The following BSN variants were observed in gnomAD, a reference collection of about 807,000 sequenced individuals.
BSN encodes the protein bassoon presynaptic cytomatrix protein, also known as protein bassoon.
A neutral mutation model predicts 264.8 loss-of-function variants in BSN; 57 were observed. The observed-to-expected ratio is 0.22, with a 90% CI of 0.17 to 0.27. The LOEUF is 0.27. Ranked by LOEUF, BSN falls within the 10% of genes least tolerant of loss-of-function variation. The pLI, the probability that BSN is intolerant of heterozygous loss-of-function variation, is 1.00. For missense variants in BSN, 4,615 were observed against 5,232.5 expected (o/e 0.88, Z 3.64); for synonymous variants, 2,059 against 2,137.3 (o/e 0.96, Z 1.01).
At position 49,657,903 on chromosome 3, in the gene BSN, G is replaced by T; in HGVS notation, c.8347G>T (p.Val2783Leu). The change falls in exon 5 of 12, where the codon GTG becomes TTG. Residue 2783 changes from valine (V) to leucine (L), a missense_variant. Physicochemically the swap from Val to Leu is conservative, Grantham distance 32. Transcript: ENST00000296452. ...HLPPESLSQL[V>L]SRQPPKSPQV... ...GCCTCCGGAGTCTCTCTCACAGCTT[G>T]TGAGCCGCCAGCCTCCCAAGTCCCC... 1 of 1,613,752 alleles carries T rather than the reference G, an allele frequency of 6.2e-7. No homozygotes were observed. Among genetic ancestry groups the T allele is most frequent in the Non-Finnish European group, 8.5e-7 (1 of 1,179,912 alleles).
chr3:49,589,078 C>A (rs1026005450), intron 1 of BSN, among the ~76,000 whole-genome samples: 3 of 46,444 alleles, frequency 6.5e-5, no homozygotes, highest in Non-Finnish European at 1.3e-4. Context: ...CCACGCCTGG[C>A]TAAATTTTTT....
intron 1 of BSN, among the ~76,000 whole-genome samples, chr3:49,574,054 A>G (rs1248078340): frequency 6.6e-6 from 1 of 151,904 alleles, no homozygotes; most frequent in Non-Finnish European, 1.5e-5. Context: ...GGCTCAAGCA[A>G]TCCTCTCACC....
intron 1 of BSN, among the ~76,000 whole-genome samples, chr3:49,596,948 A>G (rs2108029120): frequency 6.6e-6 from 1 of 152,328 alleles, no homozygotes; most frequent in South Asian, 2.1e-4. Flanking sequence ...GGTGGTTTAC[A>G]ATAATGGATT....
chr3:49,661,762 G>C lies in BSN; in HGVS notation c.9917G>C (p.Arg3306Pro). 1 of 1,613,360 alleles carries C rather than the reference G, an allele frequency of 6.2e-7. No homozygotes were observed. Among genetic ancestry groups the C allele is most frequent in the Non-Finnish European group, 8.5e-7 (1 of 1,180,032 alleles). The change falls in exon 6 of 12, where the codon CGG becomes CCG. Residue 3306 changes from arginine (R) to proline (P), a missense_variant. This residue lies in a region of BSN where 3,415 missense variants were observed against 3,866.4 expected (regional missense o/e 0.88). Coordinates refer to ENST00000296452, the MANE Select transcript of BSN (RefSeq NM_003458.4). ...CCCCGCGGGAAGGGTGGCCACCTCC[G>C]GAGCATGGAGAGCAATGGTCGACCA... is the stretch of plus-strand genomic sequence containing the variant. Reference protein sequence around the residue: ...YDPRGKGGHLRSMESNGRPAS... With the variant: ...YDPRGKGGHLPSMESNGRPAS...
rs771078407 is a variant in BSN at position 49,642,930 on chromosome 3, T to C, written c.1296T>C (p.Thr432=). 10 of 1,613,960 alleles carry C rather than the reference T, an allele frequency of 6.2e-6. No individual in the cohort carries two copies. In the Admixed American group the frequency reaches 1.0e-4, roughly 16 times the overall value. ...CTGGACCTGGAGCCCTGCCGAAAACTGGGGGAACAACCAGTCCAAAGCATG... is the reference window on the plus strand; with the variant it reads ...CTGGACCTGGAGCCCTGCCGAAAACCGGGGGAACAACCAGTCCAAAGCATG... ...PGSGPGALPK[T]GGTTSPKHGR... Residue 432 remains threonine, a synonymous_variant, in exon 3 of 12, where the codon ACT becomes ACC. Transcript: ENST00000296452. The surrounding 1 kb of genome is among the most constrained non-coding windows in gnomAD (Gnocchi z 7.0).
At chr3:49,648,122 G>A (rs1223402343) in intron 3 of BSN, among the ~76,000 whole-genome samples, 1 of 152,254 alleles carries the variant, frequency 6.6e-6, no homozygotes, top group South Asian at 2.1e-4. Flanking sequence ...CTGGGCTCAG[G>A]CAAGCTGGCC....
In BSN at chr3:49,625,221, C is replaced by T. The variant is rs150855300; in HGVS notation, c.471C>T (p.Ser157=). Residue 157 remains serine, a synonymous_variant, in exon 2 of 12, where the codon TCC becomes TCT. Transcript: ENST00000296452. The surrounding 1 kb of genome is among the most constrained non-coding windows in gnomAD (Gnocchi z 4.4). ...GCAGCACCCCCACATCACCCTACTC[C>T]GTCCCTCAGATCGCCCCCCTTCCCA... ...DRGSTPTSPY[S]VPQIAPLPSS... The T allele has an allele frequency of 1.0e-3, 1,592 of 1,583,766 alleles. No individual in the cohort carries two copies. Among genetic ancestry groups the T allele is most frequent in the Admixed American group, 1.6e-3 (89 of 54,728 alleles).
Position 49,569,595 on chromosome 3 carries a change from G to A in BSN, c.224+14769G>A, listed in dbSNP as rs75014815. Among the ~76,000 whole-genome samples the A allele has an allele frequency of 7.6e-3, 1,159 of 152,276 alleles. 7 individuals are homozygous for A. The highest frequency in any genetic ancestry group is 0.013 in the Non-Finnish European group (881 of 68,016). On this transcript the variant is annotated intron_variant, in intron 1 of 11. Coordinates refer to ENST00000296452, the MANE Select transcript of BSN (RefSeq NM_003458.4). The stretch of plus-strand genomic sequence containing the variant: ...TGGGAGCTCTGACTCAGTGGGGGAC[G>A]CTTGGAGGGCTCAGGGGCCTACTGT...
At chr3:49,607,710 A>G (rs1361612409) in intron 1 of BSN, among the ~76,000 whole-genome samples, 1 of 152,208 alleles carries the variant, frequency 6.6e-6, no homozygotes, top group Non-Finnish European at 1.5e-5. Context: ...GCTGAATTTA[A>G]TGCTCTCAAT....
intron 1 of BSN, among the ~76,000 whole-genome samples, chr3:49,573,597 C>T (rs1464378563): frequency 6.6e-6 from 1 of 151,810 alleles, no homozygotes; most frequent in Non-Finnish European, 1.5e-5. Flanking sequence ...GAGAGGGCAC[C>T]AAAATAGTTG....
At position 49,657,433 on chromosome 3, in the gene BSN, T is replaced by C; in HGVS notation, c.7877T>C (p.Val2626Ala). 1 of 1,612,898 alleles carries C rather than the reference T, an allele frequency of 6.2e-7. No individual in the cohort carries two copies. Among genetic ancestry groups the C allele is most frequent in the South Asian group, 1.1e-5 (1 of 91,080 alleles). Residue 2626 changes from valine to alanine, a missense_variant, in exon 5 of 12, where the codon GTG becomes GCG. Val to Ala is a moderately conservative substitution (Grantham distance 64, BLOSUM62 0). Transcript: ENST00000296452. ...GACAGTGCTGAGTGGGAGCAGCCAG[T>C]GCGCCGCCGCAGGTCTCGTCTTCCC... ...DEDSAEWEQP[V>A]RRRRSRLPRH...
intron 1 of BSN, among the ~76,000 whole-genome samples, chr3:49,563,726 T>G (rs1315170176): frequency 5.9e-5 from 9 of 152,216 alleles, no homozygotes; most frequent in Admixed American, 5.9e-4. Context: ...CCTTTTATTT[T>G]GAGCATTGTA....
intron 1 of BSN, among the ~76,000 whole-genome samples, chr3:49,567,706 G>A (rs1426077011): frequency 6.6e-6 from 1 of 152,242 alleles, no homozygotes. Flanking sequence ...TACTATGGCT[G>A]TGTAACATGT....
Position 49,653,851 on chromosome 3 carries a change from CTG to C in BSN, c.4296_4297del (p.Glu1433GlyfsTer17). On this transcript the variant is annotated frameshift_variant, in exon 5 of 12. Transcript: ENST00000296452. LOFTEE classifies it high-confidence loss of function. The surrounding 1 kb of genome is among the most constrained non-coding windows in gnomAD (Gnocchi z 6.3). ...ACCACTGCAAACTATGGGTCCCAAA[CTG>C]AGGATCTACCCCAGGCCCCCAGTGG... The C allele has an allele frequency of 6.2e-7, 1 of 1,614,114 alleles. No individual in the cohort carries two copies. Among genetic ancestry groups the C allele is most frequent in the Non-Finnish European group, 8.5e-7 (1 of 1,180,016 alleles).
Position 49,642,477 on chromosome 3 carries a change from A to G in BSN, c.843A>G (p.Thr281=). The G allele has an allele frequency of 6.3e-7, 1 of 1,580,590 alleles. No individual in the cohort carries two copies. Among genetic ancestry groups the G allele is most frequent in the Non-Finnish European group, 8.6e-7 (1 of 1,164,742 alleles). The change falls in exon 3 of 12, where the codon ACA becomes ACG. Residue 281 remains threonine, a synonymous_variant. Transcript: ENST00000296452. This position sits in a 1 kb window ranked among gnomAD's most constrained non-coding sequence, Gnocchi z 7.0. ...GPQPGSRQAE[T]ARATSVPGPA... ...AGCCTGGGTCCCGCCAGGCTGAGAC[A>G]GCCAGGGCCACCTCAGTGCCGGGGC... is the stretch of plus-strand genomic sequence containing the variant.
chr3:49,556,408 T>G (rs1437502365), intron 1 of BSN, among the ~76,000 whole-genome samples: 1 of 152,234 alleles, frequency 6.6e-6, no homozygotes, highest in Non-Finnish European at 1.5e-5. Context: ...GTGTTTCATT[T>G]GTACTTCATC....
chr3:49,565,419 C>A, intron 1 of BSN, among the ~76,000 whole-genome samples: 1 of 149,848 alleles, frequency 6.7e-6, no homozygotes, highest in Non-Finnish European at 1.5e-5. Flanking sequence ...CCCCTGGGTT[C>A]GCGCCATTCT....
rs945848268 is a variant in BSN, at chr3:49,656,592, A to G, written c.7036A>G (p.Ser2346Gly). 6.3e-7 allele frequency: 1 copy of G among 1,598,488 alleles called. No homozygotes were observed. Among genetic ancestry groups the G allele is most frequent in the African/African-American group, 1.3e-5 (1 of 74,502 alleles). The change falls in exon 5 of 12, where the codon AGT becomes GGT. Residue 2346 changes from serine to glycine, a missense_variant. Coordinates refer to ENST00000296452, the MANE Select transcript of BSN (RefSeq NM_003458.4). ...AGCAGATGCTGCTCCTGGGGGTGGC[A>G]GTGGGGCCCTCAGCCGGCCAGGGTT... ...PPADAAPGGG[S>G]GALSRPGFEK...
At chr3:49,571,162 C>CT (rs1036774686) in intron 1 of BSN, among the ~76,000 whole-genome samples, 13 of 151,360 alleles carry the variant, frequency 8.6e-5, no homozygotes, top group East Asian at 1.9e-4. Flanking sequence ...ATACACTGTG[C>CT]TTTTTTTTTA....
Sources: allele counts gnomAD v4.1 joint callset (sites outside exome capture counted in the v4.1 genomes callset), GRCh38; gene constraint gnomAD v4.1.1; regional missense constraint gnomAD v4.1.1; non-coding constraint Gnocchi (gnomAD v3.1); transcripts MANE v1.5; gene names NCBI Gene and HGNC (gene_info 2026-07-23, HGNC 2026-07-21).